The following AP4E1 variants were observed in gnomAD, a reference collection of about 807,000 sequenced individuals.
The protein encoded by AP4E1 is adaptor related protein complex 4 subunit epsilon 1.
A neutral mutation model predicts 128.2 loss-of-function variants in AP4E1; 56 were observed. That is an observed-to-expected ratio of 0.44 (90% CI 0.35 to 0.55). AP4E1 has a LOEUF of 0.55. Ranked by LOEUF, AP4E1 falls within the 20% of genes least tolerant of loss-of-function variation. The pLI is 0.00. For missense variants in AP4E1, 1,324 were observed against 1,307.7 expected, an observed-to-expected ratio of 1.01 and a Z score of -0.19; for synonymous variants, 484 against 473.1, an observed-to-expected ratio of 1.02 and a Z score of -0.30.
chr15:50,991,994 T>C (rs909220428), intron 16 of AP4E1, among the ~76,000 whole-genome samples: 1 of 151,250 alleles, frequency 6.6e-6, no homozygotes, highest in Non-Finnish European at 1.5e-5. Context: ...TCCAGTGTTA[T>C]TGAGATATAA....
At chr15:50,974,539 T>C (rs2064526568) in intron 15 of AP4E1, among the ~76,000 whole-genome samples, 1 of 152,154 alleles carries the variant, frequency 6.6e-6, no homozygotes, top group African/African-American at 2.4e-5. Flanking sequence ...AGCACTGGGA[T>C]TATAGGCATG....
intron 3 of AP4E1, among the ~76,000 whole-genome samples, chr15:50,916,994 A>G (rs917732765): frequency 2.0e-5 from 3 of 152,200 alleles, no homozygotes; most frequent in African/African-American, 4.8e-5. Context: ...TATGGAATGT[A>G]AGCTCTTCCA....
Position 50,948,110 on chromosome 15 carries a change from G to A in AP4E1, c.1267G>A (p.Glu423Lys). Reference protein sequence around the residue: ...MLEYLHQSKEEYVIVNLVGKI... With the variant: ...MLEYLHQSKEKYVIVNLVGKI... ...TGAATATTTACATCAGAGCAAAGAA[G>A]AGTATGTCATCGTCAATTTGGTCGG... The change falls in exon 11 of 21, where the codon GAG becomes AAG. Residue 423 changes from glutamate (E) to lysine (K), a missense_variant. By Grantham distance (56) the Glu-to-Lys change is moderately conservative (BLOSUM62 1). Transcript: ENST00000261842. 6.2e-7 allele frequency: 1 copy of A among 1,613,960 alleles called. No homozygotes were observed. Among genetic ancestry groups the A allele is most frequent in the South Asian group, 1.1e-5 (1 of 91,082 alleles).
intron 3 of AP4E1, among the ~76,000 whole-genome samples, chr15:50,918,757 T>C (rs1011229850): frequency 6.6e-6 from 1 of 152,204 alleles, no homozygotes; most frequent in Admixed American, 6.5e-5. Context: ...TACTATCTCT[T>C]ACTTGAAAGA....
At chr15:50,943,666 C>A (rs550274984) in intron 10 of AP4E1, among the ~76,000 whole-genome samples, 2 of 152,202 alleles carry the variant, frequency 1.3e-5, no homozygotes, top group South Asian at 2.1e-4. Flanking sequence ...ATTTGGTAGT[C>A]CCCACTTATT....
At chr15:50,946,845 G>A (rs2064068438) in intron 10 of AP4E1, among the ~76,000 whole-genome samples, 1 of 152,182 alleles carries the variant, frequency 6.6e-6, no homozygotes, top group South Asian at 2.1e-4. Context: ...CTTATTTGAA[G>A]CAGCAAGAGG....
At chr15:50,942,606 A>T (rs1210345839) in intron 10 of AP4E1, among the ~76,000 whole-genome samples, 1 of 149,606 alleles carries the variant, frequency 6.7e-6, no homozygotes, top group Non-Finnish European at 1.5e-5. Context: ...ATGTCTGTAT[A>T]TTATATATAA....
At chr15:50,994,441 G>C (rs2064844359) in intron 17 of AP4E1, among the ~76,000 whole-genome samples, 1 of 151,906 alleles carries the variant, frequency 6.6e-6, no homozygotes, top group Non-Finnish European at 1.5e-5. Context: ...TCAGTACCAG[G>C]CCAGATGGTA....
At chr15:50,983,487 G>T (rs1444177590) in intron 15 of AP4E1, among the ~76,000 whole-genome samples, 1 of 152,162 alleles carries the variant, frequency 6.6e-6, no homozygotes, top group African/African-American at 2.4e-5. Flanking sequence ...ATTGGCATCT[G>T]TCCTACCACA....
rs2064088947 is a variant in AP4E1 at position 50,948,128 on chromosome 15, T to C, written c.1285T>C (p.Leu429=). 1 of 1,613,984 alleles carries C rather than the reference T, an allele frequency of 6.2e-7. No individual in the cohort carries two copies. The highest frequency in any genetic ancestry group is 8.5e-7 in the Non-Finnish European group (1 of 1,179,946). The change falls in exon 11 of 21, where the codon TTG becomes CTG. Residue 429 remains leucine, a synonymous_variant. Transcript: ENST00000261842. The part of the protein sequence containing the change: ...QSKEEYVIVN[L]VGKIAELAEK... ...CAAAGAAGAGTATGTCATCGTCAAT[T>C]TGGTCGGCAAAATAGCAGAGCTGGC...
upstream of AP4E1, among the ~76,000 whole-genome samples, chr15:50,908,062 C>A (rs1304123899): frequency 6.6e-6 from 1 of 152,180 alleles, no homozygotes; most frequent in Non-Finnish European, 1.5e-5. Flanking sequence ...GAGGAGGAGT[C>A]GGCAAGGGTG....
chr15:50,997,264 T>TTATA, intron 17 of AP4E1, 62 bp from the exon 18 acceptor site: 1 of 1,369,476 alleles, frequency 7.3e-7, no homozygotes, highest in South Asian at 1.5e-5. Context: ...TATAGATGAA[T>TTATA]GTTTAAAACT....
chr15:50,930,941 T>C lies in AP4E1; in HGVS notation c.839T>C (p.Ile280Thr). Residue 280 changes from isoleucine to threonine, a missense_variant, in exon 7 of 21, where the codon ATA becomes ACA. Ile to Thr is a moderately conservative substitution (Grantham distance 89). Coordinates refer to ENST00000261842, the MANE Select transcript of AP4E1 (RefSeq NM_007347.5). ...TGGTTACAAATTCAGCTCTTGAGAA[T>C]ACTGGGACTTCTAGGAAAAGATGAT... ...APWLQIQLLRILGLLGKDDQR... is the reference protein window; with the variant it reads ...APWLQIQLLRTLGLLGKDDQR... 2.5e-6 allele frequency: 4 copies of C among 1,614,142 alleles called. No homozygotes were observed. Among genetic ancestry groups the C allele is most frequent in the Non-Finnish European group, 3.4e-6 (4 of 1,180,014 alleles).
At chr15:50,962,909 A>G (rs958592054) in intron 14 of AP4E1, among the ~76,000 whole-genome samples, 13 of 148,398 alleles carry the variant, frequency 8.8e-5, no homozygotes, top group Non-Finnish European at 1.8e-4. Flanking sequence ...AAAAAAAAAA[A>G]AAAAAAATCC....
At chr15:50,947,955 T>TA (rs2064085215) in intron 10 of AP4E1, 65 bp from the exon 11 acceptor site, 1 of 1,282,884 alleles carries the variant, frequency 7.8e-7, no homozygotes, top group Non-Finnish European at 1.1e-6. Context: ...ACCTTTATGT[T>TA]ACTGTACTCA....
intron 10 of AP4E1, among the ~76,000 whole-genome samples, chr15:50,944,207 C>T (rs1419094469): frequency 1.3e-5 from 2 of 152,090 alleles, no homozygotes; most frequent in Non-Finnish European, 2.9e-5. Context: ...TCACTTCTAA[C>T]CTCTATCAAA....
chr15:51,005,653 T>G lies in AP4E1; in HGVS notation c.*2991T>G, dbSNP rs1470081116. On this transcript the variant is annotated 3_prime_UTR_variant, in exon 21 of 21. Transcript: ENST00000261842. The stretch of plus-strand genomic sequence containing the variant: ...TTTTCCTTTTATGTCAGCAATATTT[T>G]AAAATATTGATCTGTTTATCTTATA... The G allele has an allele frequency of 6.6e-6, 1 of 152,642 alleles. No individual in the cohort carries two copies. Among genetic ancestry groups the G allele is most frequent in the Non-Finnish European group, 1.5e-5 (1 of 68,042 alleles). 9.5% of individuals were successfully genotyped at this position (152,642 alleles called of 1,614,324 possible).
At position 50,950,154 on chromosome 15, in the gene AP4E1, T is replaced by C. The variant is rs1229120178; in HGVS notation, c.1533T>C (p.Leu511=). Reference sequence around the variant, plus strand: ...ATGTGTTCTATCCACAGAGATTTCTTCAAGTTATGAGTTGGGTGAGCAAAG... The same window carrying C: ...ATGTGTTCTATCCACAGAGATTTCTCCAAGTTATGAGTTGGGTGAGCAAAG... ...MENVFYPQRF[L]QVMSWVLGEY... is the part of the protein sequence containing the mutation. The change falls in exon 13 of 21, where the codon CTT becomes CTC. Residue 511 remains leucine, a synonymous_variant. Transcript: ENST00000261842. 2 of 1,610,906 alleles carry C rather than the reference T, an allele frequency of 1.2e-6. No individual in the cohort carries two copies. Among genetic ancestry groups the C allele is most frequent in the African/African-American group, 2.7e-5 (2 of 74,986 alleles).
At chr15:50,945,527 A>G in intron 10 of AP4E1, 1 of 744,006 alleles carries the variant, frequency 1.3e-6, no homozygotes, top group Non-Finnish European at 2.5e-6. Flanking sequence ...CTTGACATGG[A>G]TTACCCTCCC....
Sources: gnomAD v4.1 joint callset for allele counts (sites outside exome capture counted in the v4.1 genomes callset) on GRCh38, gnomAD v4.1.1 for gene constraint, MANE v1.5 for transcripts, NCBI Gene and HGNC (gene_info 2026-07-23, HGNC 2026-07-21) for gene names.